The following SLC44A1 variants were observed in gnomAD, a reference collection of about 807,000 sequenced individuals.
SLC44A1 encodes choline transporter-like protein 1.
A neutral mutation model predicts 79.3 loss-of-function variants in SLC44A1; 26 were observed. The observed-to-expected ratio is 0.33, with a 90% CI of 0.24 to 0.46. The LOEUF is 0.46. Ranked by LOEUF, SLC44A1 falls within the 20% of genes least tolerant of loss-of-function variation. The probability of loss-of-function intolerance (pLI) is 1.00; values close to 1 mark genes in which losing one functional copy is unlikely to be tolerated. For synonymous variants in SLC44A1, 263 were observed against 286.2 expected (o/e 0.92, Z 0.82); for missense variants, 688 against 798.1 (o/e 0.86, Z 1.66).
intron 1 of SLC44A1, among the ~76,000 whole-genome samples, chr9:105,261,429 G>A (rs996781245): frequency 6.6e-6 from 1 of 152,150 alleles, no homozygotes; most frequent in Non-Finnish European, 1.5e-5. Flanking sequence ...ACTGGGTAAA[G>A]CTCCAGTCTT....
At chr9:105,368,043 A>T (rs543873643) in intron 12 of SLC44A1, among the ~76,000 whole-genome samples, 42 of 152,334 alleles carry the variant, frequency 2.8e-4, no homozygotes, top group African/African-American at 9.9e-4. Context: ...AAACTATAAA[A>T]ATCCTGAAAA....
At chr9:105,401,457 T>C (rs1027270947), downstream of SLC44A1, among the ~76,000 whole-genome samples, 1 of 152,200 alleles carries the variant, frequency 6.6e-6, no homozygotes, top group African/African-American at 2.4e-5. Context: ...AAAGAGTCCA[T>C]TTAATAAATT....
chr9:105,414,209 C>A (rs763588474), intron 15 of SLC44A1, among the ~76,000 whole-genome samples: 1 of 152,024 alleles, frequency 6.6e-6, no homozygotes, highest in African/African-American at 2.4e-5. Context: ...ATTACAGGCA[C>A]GCCCACCATG....
intron 5 of SLC44A1, among the ~76,000 whole-genome samples, chr9:105,352,477 A>C (rs574359743): frequency 6.6e-6 from 1 of 152,308 alleles, no homozygotes; most frequent in South Asian, 2.1e-4. Flanking sequence ...ATGAGGGACT[A>C]ATTAAAAATT....
Position 105,390,969 on chromosome 9 carries a change from C to T in SLC44A1, c.*1913C>T. ...TATAATTATATAACTAACAATTGTCCAAATAGATGAGAGAGCAAATCATGT... is the reference window on the plus strand; with the variant it reads ...TATAATTATATAACTAACAATTGTCTAAATAGATGAGAGAGCAAATCATGT... On this transcript the variant is annotated 3_prime_UTR_variant, in exon 16 of 16. Coordinates refer to ENST00000374720, the MANE Select transcript of SLC44A1 (RefSeq NM_080546.5). 1 of 982,836 alleles carries T rather than the reference C, an allele frequency of 1.0e-6. No homozygotes were observed. Among genetic ancestry groups the T allele is most frequent in the Non-Finnish European group, 1.2e-6 (1 of 827,386 alleles). The allele number at this position is 982,836 out of a possible 1,614,324, so 60.9% of individuals were successfully genotyped here.
intron 1 of SLC44A1, among the ~76,000 whole-genome samples, chr9:105,275,519 G>A (rs1830177854): frequency 6.6e-6 from 1 of 152,194 alleles, no homozygotes; most frequent in Admixed American, 6.5e-5. Context: ...CACCTTGGAG[G>A]TAAACACAGA....
At chr9:105,376,432 G>A (rs1295331960) in intron 13 of SLC44A1, among the ~76,000 whole-genome samples, 3 of 149,970 alleles carry the variant, frequency 2.0e-5, no homozygotes, top group Non-Finnish European at 2.9e-5. Context: ...GGAGTGCAAT[G>A]GCACAATTTC....
intron 2 of SLC44A1, among the ~76,000 whole-genome samples, chr9:105,301,658 GTA>G (rs141478663): frequency 6.6e-6 from 1 of 151,426 alleles, no homozygotes. Context: ...TTTAGTACGT[GTA>G]TATATATATA....
intron 2 of SLC44A1, among the ~76,000 whole-genome samples, chr9:105,308,607 G>A (rs79261422): frequency 0.015 from 2,339 of 152,168 alleles, 54 homozygotes; most frequent in African/African-American, 0.054. Context: ...ATATTTAAAG[G>A]GGAAATACTT....
intron 1 of SLC44A1, among the ~76,000 whole-genome samples, chr9:105,295,004 T>A (rs895740119): frequency 8.6e-5 from 13 of 151,862 alleles, no homozygotes; most frequent in Admixed American, 7.9e-4. Flanking sequence ...AGAAAGGCAT[T>A]CTTCATCTTT....
intron 7 of SLC44A1, 31 bp downstream of exon 7, chr9:105,358,464 C>A: frequency 8.8e-7 from 1 of 1,136,652 alleles, no homozygotes. Context: ...TTTTCTACCT[C>A]AGCCTCTTAA....
intron 1 of SLC44A1, among the ~76,000 whole-genome samples, chr9:105,256,167 C>T (rs911921306): frequency 6.6e-6 from 1 of 152,026 alleles, no homozygotes; most frequent in Non-Finnish European, 1.5e-5. Flanking sequence ...CATGTACCAC[C>T]ATGCCTGCTA....
chr9:105,256,488 A>G (rs1196451949), intron 1 of SLC44A1, among the ~76,000 whole-genome samples: 2 of 152,062 alleles, frequency 1.3e-5, no homozygotes, highest in Non-Finnish European at 2.9e-5. Flanking sequence ...CTCGTTTATC[A>G]AAGACCCACT....
intron 2 of SLC44A1, chr9:105,299,636 G>T: frequency 3.1e-6 from 1 of 317,782 alleles, no homozygotes; most frequent in Non-Finnish European, 4.8e-6. Context: ...CCAACTTGTT[G>T]GTTATCTTTA....
intron 1 of SLC44A1, among the ~76,000 whole-genome samples, chr9:105,259,210 G>A (rs1829785645): frequency 6.6e-6 from 1 of 152,190 alleles, no homozygotes; most frequent in Admixed American, 6.5e-5. Flanking sequence ...AGTCTGTCAT[G>A]ACAGCAAGTT....
At chr9:105,270,744 A>G (rs1830057911) in intron 1 of SLC44A1, among the ~76,000 whole-genome samples, 1 of 151,956 alleles carries the variant, frequency 6.6e-6, no homozygotes, top group African/African-American at 2.4e-5. Flanking sequence ...TATTTTTTGT[A>G]TTGGCTTTCT....
chr9:105,400,404 G>A (rs184224468), downstream of SLC44A1, among the ~76,000 whole-genome samples: 710 of 151,890 alleles, frequency 4.7e-3, 7 homozygotes, highest in African/African-American at 0.016. Flanking sequence ...CAGGAGAATC[G>A]CTTGAACCAG....
chr9:105,362,985 A>C lies in SLC44A1; in HGVS notation c.1065A>C (p.Thr355=). 3 of 1,607,142 alleles carry C rather than the reference A, an allele frequency of 1.9e-6. No individual in the cohort carries two copies. The highest frequency in any genetic ancestry group is 2.5e-6 in the Non-Finnish European group (3 of 1,177,830). The change falls in exon 9 of 16, where the codon ACA becomes ACC. Residue 355 remains threonine (T), a synonymous_variant. Coordinates refer to ENST00000374720, the MANE Select transcript of SLC44A1 (RefSeq NM_080546.5). The part of the protein sequence containing the change: ...LVLFWVYWIM[T]LLFLGTTGSP... ...TGTTTTGGGTGTACTGGATCATGACACTTCTTTTTCTTGGCACTACCGGTA... is the reference window on the plus strand; with the variant it reads ...TGTTTTGGGTGTACTGGATCATGACCCTTCTTTTTCTTGGCACTACCGGTA...
rs372453117 is a variant in SLC44A1 at position 105,351,514 on chromosome 9, C to G, written c.500+3063C>G. Among the ~76,000 whole-genome samples, 157 of 146,140 alleles carry G rather than the reference C, an allele frequency of 1.1e-3. 1 individual carries two copies. Among genetic ancestry groups the G allele is most frequent in the Middle Eastern group, 0.01 (3 of 286 alleles). ...TGCCACTGCACTCCAGCCTGGGCAACAGAGCAAGACCCTGTCTGAAAGAAA... is the reference window on the plus strand; with the variant it reads ...TGCCACTGCACTCCAGCCTGGGCAAGAGAGCAAGACCCTGTCTGAAAGAAA... On this transcript the variant is annotated intron_variant, in intron 5 of 15. Transcript: ENST00000374720.
Sources: gnomAD v4.1 joint callset for allele counts (sites outside exome capture counted in the v4.1 genomes callset) on GRCh38, gnomAD v4.1.1 for gene constraint, MANE v1.5 for transcripts, NCBI Gene and HGNC (gene_info 2026-07-23, HGNC 2026-07-21) for gene names.